The following CNTNAP4 variants were observed in gnomAD, a reference collection of about 807,000 sequenced individuals.
CNTNAP4 encodes contactin-associated protein-like 4.
Under a neutral mutation model 148.4 loss-of-function variants are expected in CNTNAP4, and 98 were observed. The ratio of observed to expected loss-of-function variants is 0.66; its 90% CI spans 0.56 to 0.78. The LOEUF is 0.78. Ranked by LOEUF, CNTNAP4 falls within the 30% of genes least tolerant of loss-of-function variation. The probability of loss-of-function intolerance (pLI) is 0.00; values close to 1 mark genes in which losing one functional copy is unlikely to be tolerated. For missense variants in CNTNAP4, 1,935 were observed against 1,565.6 expected (o/e 1.24, Z -3.98); for synonymous variants, 730 against 565.1 (o/e 1.29, Z -4.14).
At chr16:76,417,896 T>A (rs554396987) in intron 3 of CNTNAP4, among the ~76,000 whole-genome samples, 4 of 151,836 alleles carry the variant, frequency 2.6e-5, no homozygotes, top group African/African-American at 7.2e-5. Flanking sequence ...TTTACTTCTT[T>A]CAATGCTTTA....
rs376486697 is a variant in CNTNAP4 at position 76,299,638 on chromosome 16, T to G, written c.86-16775T>G. ...AATACCATTTGACCTAGCCATCCCA[T>G]TACTGGATATATACCCAAAGGATTA... On this transcript the variant is annotated intron_variant, in intron 1 of 23. Transcript: ENST00000611870. 2.6e-5 allele frequency among the ~76,000 whole-genome samples: 4 copies of G among 152,148 alleles called. No homozygotes were observed. In the East Asian group the frequency reaches 7.7e-4, roughly 29 times the overall value.
At chr16:76,356,285 T>C (rs2012634871) in intron 3 of CNTNAP4, among the ~76,000 whole-genome samples, 1 of 152,104 alleles carries the variant, frequency 6.6e-6, no homozygotes, top group Non-Finnish European at 1.5e-5. Context: ...GATTTATATA[T>C]ATAATATGTG....
intron 3 of CNTNAP4, among the ~76,000 whole-genome samples, chr16:76,358,292 C>A (rs1232725093): frequency 6.6e-6 from 1 of 152,076 alleles, no homozygotes; most frequent in African/African-American, 2.4e-5. Context: ...GCTGAGATTG[C>A]ACCACTGCAC....
intron 1 of CNTNAP4, among the ~76,000 whole-genome samples, chr16:76,286,038 C>G (rs1426362060): frequency 1.3e-5 from 2 of 152,078 alleles, no homozygotes; most frequent in Non-Finnish European, 2.9e-5. Flanking sequence ...ATCTTTAAGA[C>G]TTGTCTTCAG....
chr16:76,394,779 A>G (rs2144789618), intron 3 of CNTNAP4, among the ~76,000 whole-genome samples: 1 of 152,338 alleles, frequency 6.6e-6, no homozygotes, highest in South Asian at 2.1e-4. Context: ...ATGAACGTGT[A>G]GAACTTAGAA....
intron 2 of CNTNAP4, among the ~76,000 whole-genome samples, chr16:76,335,174 T>G (rs970454303): frequency 1.3e-5 from 2 of 152,102 alleles, no homozygotes; most frequent in African/African-American, 4.8e-5. Flanking sequence ...TGCATGACAG[T>G]TTGCTGGTTG....
Position 76,538,300 on chromosome 16 carries a change from CT to C in CNTNAP4, c.3184del (p.Tyr1062ThrfsTer7). 1 of 1,605,538 alleles carries C rather than the reference CT, an allele frequency of 6.2e-7. No homozygotes were observed. Among genetic ancestry groups the C allele is most frequent in the Admixed American group, 1.7e-5 (1 of 57,868 alleles). On this transcript the variant is annotated frameshift_variant, in exon 19 of 24. Transcript: ENST00000611870. LOFTEE classifies it high-confidence loss of function. ...TPSLLLFVSS[F>X]YKEYLSVIIA... ...CAAGCTTGCTGCTTTTTGTGAGCTC[CT>C]TTTACAAAGAATACCTTTCTGTGAT... is the stretch of plus-strand genomic sequence containing the variant.
At chr16:76,411,942 CT>C (rs2078813716) in intron 3 of CNTNAP4, among the ~76,000 whole-genome samples, 1 of 151,062 alleles carries the variant, frequency 6.6e-6, no homozygotes, top group African/African-American at 2.4e-5. Context: ...CTTTCATGCC[CT>C]TACTGTTGAC....
intron 15 of CNTNAP4, among the ~76,000 whole-genome samples, chr16:76,505,093 C>T (rs2082794501): frequency 1.3e-5 from 2 of 152,174 alleles, no homozygotes; most frequent in Middle Eastern, 3.4e-3. Flanking sequence ...TACCATATGA[C>T]CCAGCAATCC....
intron 4 of CNTNAP4, among the ~76,000 whole-genome samples, chr16:76,435,649 G>C (rs1329994789): frequency 6.6e-6 from 1 of 152,076 alleles, no homozygotes; most frequent in Non-Finnish European, 1.5e-5. Flanking sequence ...GGGATGAGTA[G>C]GTCTAAAGTG....
chr16:76,295,805 T>C (rs12925810), intron 1 of CNTNAP4, among the ~76,000 whole-genome samples: 4,677 of 152,316 alleles, frequency 0.031, 184 homozygotes, highest in East Asian at 0.16. Context: ...GCTACTATTC[T>C]TCTGAATAAG....
chr16:76,448,857 A>G lies in CNTNAP4; in HGVS notation c.833A>G (p.Gln278Arg). The G allele has an allele frequency of 6.2e-7, 1 of 1,613,638 alleles. No homozygotes were observed. ...DDQHWHSVLI[Q>R]RLGKQVNFTV... ...CAGCATTGGCATTCAGTGCTCATCCAGCGTTTGGGCAAACAAGTCAACTTC... is the reference window on the plus strand; with the variant it reads ...CAGCATTGGCATTCAGTGCTCATCCGGCGTTTGGGCAAACAAGTCAACTTC... Residue 278 changes from glutamine to arginine, a missense_variant, in exon 6 of 24, where the codon CAG (glutamine) becomes CGG (arginine). Physicochemically the swap from Gln to Arg is conservative, Grantham distance 43. Transcript: ENST00000611870.
Position 76,558,883 on chromosome 16 carries a change from A to C in CNTNAP4, c.*200A>C. On this transcript the variant is annotated 3_prime_UTR_variant, in exon 24 of 24. Transcript: ENST00000611870. ...CTCATAGCATTCATTCTATGGAACA[A>C]GAAATTAGATATTGCTGTTAATTTT... 2.3e-6 allele frequency: 1 copy of C among 438,746 alleles called. No homozygotes were observed. Among genetic ancestry groups the C allele is most frequent in the Non-Finnish European group, 4.0e-6 (1 of 248,626 alleles). 27.2% of individuals were successfully genotyped at this position (438,746 alleles called of 1,614,324 possible). A position where few individuals can be genotyped will look rare whatever the true frequency, so the allele number is the denominator to read the frequency against.
intron 15 of CNTNAP4, among the ~76,000 whole-genome samples, chr16:76,510,450 C>T (rs1168865216): frequency 6.8e-6 from 1 of 147,820 alleles, no homozygotes; most frequent in Non-Finnish European, 1.5e-5. Flanking sequence ...GATAAGGCTT[C>T]TGTGGACATC....
chr16:76,509,568 G>T lies in CNTNAP4; in HGVS notation c.2365+10874G>T, dbSNP rs1267666255. On this transcript the variant is annotated intron_variant, in intron 15 of 23. Coordinates refer to ENST00000611870, the MANE Select transcript of CNTNAP4 (RefSeq NM_033401.5). ...TGATCCCGCTAAACTTACAAAAAAA[G>T]ATTATGCGCGTTTTAAAAGATTGTA... Among the ~76,000 whole-genome samples, 6 of 97,264 alleles carry T rather than the reference G, an allele frequency of 6.2e-5. 3 individuals carry two copies. Among genetic ancestry groups the T allele is most frequent in the Non-Finnish European group, 1.8e-4 (6 of 34,248 alleles). The allele number at this position is 97,264 out of a possible 152,430, so 63.8% of individuals were successfully genotyped here. A position where few individuals can be genotyped will look rare whatever the true frequency, so the allele number is the denominator to read the frequency against.
chr16:76,553,901 A>T lies in CNTNAP4; in HGVS notation c.3727A>T (p.Ile1243Phe). 1 of 1,591,302 alleles carries T rather than the reference A, an allele frequency of 6.3e-7. No homozygotes were observed. Among genetic ancestry groups the T allele is most frequent in the Non-Finnish European group, 8.6e-7 (1 of 1,159,736 alleles). The stretch of plus-strand genomic sequence containing the variant: ...TGCAATCAAAAGTGACTCTGCAGTA[A>T]TTGGAGGTAATAAGAAGCATGAATG... ...ANAIKSDSAV[I>F]GGLIAVVIFI... Residue 1243 changes from isoleucine (I) to phenylalanine (F), a missense_variant, in exon 23 of 24, where the codon ATT becomes TTT. Ile to Phe is a conservative substitution (Grantham distance 21). Coordinates refer to ENST00000611870, the MANE Select transcript of CNTNAP4 (RefSeq NM_033401.5).
chr16:76,493,488 AT>A (rs11458373), intron 13 of CNTNAP4, among the ~76,000 whole-genome samples: 1 of 151,344 alleles, frequency 6.6e-6, no homozygotes, highest in African/African-American at 2.4e-5. Context: ...ATTCCTTAGT[AT>A]TTTTTTTAAA....
chr16:76,388,138 C>G (rs1230999397), intron 3 of CNTNAP4, among the ~76,000 whole-genome samples: 1 of 152,102 alleles, frequency 6.6e-6, no homozygotes, highest in East Asian at 1.9e-4. Context: ...TTTACAAGTT[C>G]CTACTTTGTG....
At position 76,557,001 on chromosome 16, in the gene CNTNAP4, A is replaced by G. The variant is rs149476586; in HGVS notation, c.3734-1489A>G. Among the ~76,000 whole-genome samples, 371 of 152,276 alleles carry G rather than the reference A, an allele frequency of 2.4e-3. 3 individuals carry two copies. Among genetic ancestry groups the G allele is most frequent in the African/African-American group, 8.5e-3 (355 of 41,568 alleles). ...CTTCCTCGCACTCCGTTACAGTTGT[A>G]TACATTTGCTTTAGAATGGAGTCTT... On this transcript the variant is annotated intron_variant, in intron 23 of 23. Transcript: ENST00000611870.
Sources: allele counts gnomAD v4.1 joint callset (sites outside exome capture counted in the v4.1 genomes callset), GRCh38; gene constraint gnomAD v4.1.1; transcripts MANE v1.5; gene names NCBI Gene and HGNC (gene_info 2026-07-23, HGNC 2026-07-21).